The following FAM216A variants were observed in gnomAD, a reference collection of about 807,000 sequenced individuals.
FAM216A encodes protein FAM216A.
Under a neutral mutation model 37.6 loss-of-function variants are expected in FAM216A, and 26 were observed. The ratio of observed to expected loss-of-function variants is 0.69; its 90% CI spans 0.51 to 0.96. FAM216A has a LOEUF of 0.96. Ranked by LOEUF, FAM216A falls within the 40% of genes least tolerant of loss-of-function variation. The pLI, the probability that FAM216A is intolerant of heterozygous loss-of-function variation, is 0.00. For synonymous variants in FAM216A, 110 were observed against 121.7 expected (o/e 0.90, Z 0.64); for missense variants, 326 against 339.3 (o/e 0.96, Z 0.31).
At chr12:110,484,985 C>T (rs962740646) in intron 2 of FAM216A, 93 bp from the exon 3 acceptor site, 21 of 1,338,084 alleles carry the variant, frequency 1.6e-5, no homozygotes, top group Non-Finnish European at 2.1e-5. Context: ...CAGGCGTGAG[C>T]CACCACACCC....
At position 110,473,122 on chromosome 12, in the gene FAM216A, A is replaced by C; in HGVS notation, c.184+4A>C. 6.5e-7 allele frequency: 1 copy of C among 1,544,156 alleles called. No individual in the cohort carries two copies. The highest frequency in any genetic ancestry group is 8.9e-7 in the Non-Finnish European group (1 of 1,127,944). ...TACCAGAATTCCAAAGGTTCTGGTGAGTAGTGCATATAAAGCAGATAATAC... is the reference window on the plus strand; with the variant it reads ...TACCAGAATTCCAAAGGTTCTGGTGCGTAGTGCATATAAAGCAGATAATAC... On this transcript the variant is annotated splice_donor_region_variant and intron_variant, in intron 2 of 6. Coordinates refer to ENST00000377673, the MANE Select transcript of FAM216A (RefSeq NM_013300.3).
chr12:110,469,491 TTTTC>T (rs1311500583), intron 1 of FAM216A, among the ~76,000 whole-genome samples: 3 of 151,974 alleles, frequency 2.0e-5, no homozygotes, highest in Non-Finnish European at 4.4e-5. Flanking sequence ...GGGGATTTCT[TTTTC>T]TTTTTTTTTC....
chr12:110,470,817 C>G (rs562112524), intron 1 of FAM216A, among the ~76,000 whole-genome samples: 1 of 151,868 alleles, frequency 6.6e-6, no homozygotes, highest in African/African-American at 2.4e-5. Context: ...ACTCTTAAAA[C>G]TACAATTAAA....
At chr12:110,473,834 C>A (rs1344561403) in intron 2 of FAM216A, among the ~76,000 whole-genome samples, 1 of 152,200 alleles carries the variant, frequency 6.6e-6, no homozygotes, top group African/African-American at 2.4e-5. Flanking sequence ...GTATTCACCT[C>A]TTCTCTGCTG....
At position 110,468,958 on chromosome 12, in the gene FAM216A, C is replaced by T; in HGVS notation, c.83C>T (p.Thr28Met). 6.6e-7 allele frequency: 1 copy of T among 1,522,992 alleles called. No homozygotes were observed. Among genetic ancestry groups the T allele is most frequent in the Non-Finnish European group, 8.8e-7 (1 of 1,138,310 alleles). 94.3% of individuals were successfully genotyped at this position (1,522,992 alleles called of 1,614,324 possible). ...MPGQGPGSDWTERSSSAEPPA... is the reference protein window; with the variant it reads ...MPGQGPGSDWMERSSSAEPPA... ...GGCCAGGGTCCGGGGTCCGACTGGA[C>T]GGAGCGTAGCTCTTCTGCAGAGCCG... The change falls in exon 1 of 7, where the codon ACG becomes ATG. Residue 28 changes from threonine to methionine, a missense_variant. Thr to Met is a moderately conservative substitution (Grantham distance 81). Transcript: ENST00000377673.
At chr12:110,483,910 A>G (rs2062761914) in intron 2 of FAM216A, among the ~76,000 whole-genome samples, 1 of 152,154 alleles carries the variant, frequency 6.6e-6, no homozygotes, top group Non-Finnish European at 1.5e-5. Flanking sequence ...TGTTAATACT[A>G]CATCTCCAAA....
chr12:110,490,055 A>T lies in FAM216A; in HGVS notation c.740A>T (p.Glu247Val). 6.5e-7 allele frequency: 1 copy of T among 1,535,130 alleles called. No homozygotes were observed. Among genetic ancestry groups the T allele is most frequent in the Non-Finnish European group, 9.0e-7 (1 of 1,109,076 alleles). ...GATTCTGAATCACACATGAGTGAAG[A>T]AAAAAAGGAAGAAGATTTACTAAAT... ...SDDSESHMSE[E>V]KKEEDLLNNF... The change falls in exon 7 of 7, where the codon GAA becomes GTA. Residue 247 changes from glutamate (E) to valine (V), a missense_variant. By Grantham distance (121) the Glu-to-Val change is moderately radical. Coordinates refer to ENST00000377673, the MANE Select transcript of FAM216A (RefSeq NM_013300.3).
chr12:110,475,565 T>G (rs888801314), intron 2 of FAM216A, among the ~76,000 whole-genome samples: 2 of 151,430 alleles, frequency 1.3e-5, no homozygotes, highest in East Asian at 3.9e-4. Flanking sequence ...CTTCCAAGTG[T>G]GTATTTCCTT....
At chr12:110,480,295 C>T (rs923134001) in intron 2 of FAM216A, among the ~76,000 whole-genome samples, 3 of 150,180 alleles carry the variant, frequency 2.0e-5, no homozygotes, top group African/African-American at 7.4e-5. Context: ...GCTCCACCTC[C>T]CGGGTTCACG....
intron 2 of FAM216A, among the ~76,000 whole-genome samples, chr12:110,474,876 T>C (rs746379868): frequency 6.6e-6 from 1 of 151,636 alleles, no homozygotes; most frequent in Non-Finnish European, 1.5e-5. Flanking sequence ...GGTGCATCCC[T>C]ATAATCCCAG....
chr12:110,486,360 G>C lies in FAM216A; in HGVS notation c.342G>C (p.Leu114=). 1 of 1,613,830 alleles carries C rather than the reference G, an allele frequency of 6.2e-7. No individual in the cohort carries two copies. The highest frequency in any genetic ancestry group is 8.5e-7 in the Non-Finnish European group (1 of 1,179,814). The change falls in exon 4 of 7, where the codon CTG becomes CTC. Residue 114 remains leucine (L), a synonymous_variant. Transcript: ENST00000377673. ...PDLTTGQKRY[L]CSIAKIYNAN... ...TCACCACAGGCCAGAAGCGTTACCT[G>C]TGCAGCATTGCTAAAATCTATAATG...
At chr12:110,486,275 A>G in intron 3 of FAM216A, 50 bp from the exon 4 acceptor site, 2 of 1,508,438 alleles carry the variant, frequency 1.3e-6, no homozygotes, top group Non-Finnish European at 1.8e-6. Flanking sequence ...GAATATTGCC[A>G]ACTTCTCTAA....
At chr12:110,473,153 A>T in intron 2 of FAM216A, 35 bp downstream of exon 2, 1 of 1,254,644 alleles carries the variant, frequency 8.0e-7, no homozygotes, top group Non-Finnish European at 1.1e-6. Flanking sequence ...AATACTTATA[A>T]GTAACATGGT....
chr12:110,484,381 C>G (rs1164290670), intron 2 of FAM216A, among the ~76,000 whole-genome samples: 1 of 117,002 alleles, frequency 8.5e-6, no homozygotes, highest in South Asian at 3.1e-4. Flanking sequence ...GAGCTGAGAT[C>G]GCGCTACTGC....
chr12:110,470,626 C>T (rs540085700), intron 1 of FAM216A, among the ~76,000 whole-genome samples: 15 of 151,820 alleles, frequency 9.9e-5, no homozygotes, highest in Admixed American at 2.6e-4. Context: ...TACAGGTGTG[C>T]GCCACCACGT....
At chr12:110,472,241 A>G (rs1204756542) in intron 1 of FAM216A, among the ~76,000 whole-genome samples, 1 of 148,776 alleles carries the variant, frequency 6.7e-6, no homozygotes, top group Admixed American at 6.6e-5. Context: ...AAAAAAGAAA[A>G]AAGAAAAAAA....
upstream of FAM216A, chr12:110,468,565 C>T (rs989525377): frequency 2.9e-5 from 44 of 1,537,148 alleles, 1 homozygote; most frequent in Admixed American, 8.6e-4. Flanking sequence ...TGTATGGTGA[C>T]CCTCGCGATT....
intron 2 of FAM216A, among the ~76,000 whole-genome samples, chr12:110,482,026 T>C (rs1366096609): frequency 6.6e-6 from 1 of 152,098 alleles, no homozygotes; most frequent in Non-Finnish European, 1.5e-5. Flanking sequence ...AAAACTGAAA[T>C]AGCCTGTTAT....
At chr12:110,485,300 A>C in intron 3 of FAM216A, 101 bp downstream of exon 3, 30 of 983,520 alleles carry the variant, frequency 3.1e-5, no homozygotes, top group Non-Finnish European at 4.1e-5. Context: ...ACTGCAGATG[A>C]CAAGGCATAT....
Sources: gnomAD v4.1 joint callset for allele counts (sites outside exome capture counted in the v4.1 genomes callset) on GRCh38, gnomAD v4.1.1 for gene constraint, MANE v1.5 for transcripts, NCBI Gene and HGNC (gene_info 2026-07-23, HGNC 2026-07-21) for gene names.